CYREN: variants seen among roughly 807,000 people sequenced by gnomAD.
The protein encoded by CYREN is cell cycle regulator of non-homologous end joining.
A neutral mutation model predicts 9.7 loss-of-function variants in CYREN; 7 were observed. The ratio of observed to expected loss-of-function variants is 0.72; its 90% CI spans 0.41 to 1.36. The LOEUF is 1.36. CYREN is among the 40% of genes most tolerant of loss of function. CYREN has a pLI of 0.01. For synonymous variants in CYREN, 76 were observed against 77.9 expected (o/e 0.98, Z 0.13); for missense variants, 215 against 198.1 (o/e 1.09, Z -0.51).
upstream of CYREN, among the ~76,000 whole-genome samples, chr7:135,171,367 G>A (rs1289514962): frequency 5.4e-5 from 8 of 148,996 alleles, no homozygotes; most frequent in South Asian, 2.1e-4. Context: ...GCAGCCCAGC[G>A]CCAGGCCCAA....
At chr7:135,129,485 T>C (rs1161440346) in intron 2 of CYREN, 1 of 773,058 alleles carries the variant, frequency 1.3e-6, no homozygotes, top group Non-Finnish European at 2.4e-6. Flanking sequence ...ACTGACCATG[T>C]TGTGGAACTC....
rs1016518960 is a variant in CYREN, at chr7:135,167,063, T to C, written c.214-192A>G. The C allele has an allele frequency of 7.1e-6, 7 of 985,136 alleles. No individual in the cohort carries two copies. In the African/African-American group the frequency reaches 1.2e-4, roughly 17 times the overall value. 61.0% of individuals were successfully genotyped at this position (985,136 alleles called of 1,614,324 possible). ...TCCCCTGACCCCCTCTTCACAGCTC[T>C]TGAAGAAACCAGAACCCACTCGGGA... is the stretch of plus-strand genomic sequence containing the variant. On this transcript the variant is annotated intron_variant, in intron 3 of 3. Transcript: ENST00000393114.
chr7:135,110,052 G>GCAA (rs1206185801), intron 2 of CYREN, among the ~76,000 whole-genome samples: 10 of 151,980 alleles, frequency 6.6e-5, no homozygotes, highest in African/African-American at 2.4e-4. Context: ...TGCACCAAAG[G>GCAA]CAACAATGGC....
chr7:135,109,905 G>T (rs1318705601), intron 2 of CYREN, among the ~76,000 whole-genome samples: 2 of 152,238 alleles, frequency 1.3e-5, no homozygotes, highest in Non-Finnish European at 2.9e-5. Flanking sequence ...ATACCAGGGA[G>T]GCTCTGAACC....
At chr7:135,155,602 G>A (rs886605916) in intron 2 of CYREN, among the ~76,000 whole-genome samples, 26 of 152,192 alleles carry the variant, frequency 1.7e-4, no homozygotes, top group African/African-American at 6.3e-4. Context: ...GCTAGGCAGG[G>A]GGATTAATTG....
At chr7:135,129,693 T>A in intron 2 of CYREN, 2 of 771,280 alleles carry the variant, frequency 2.6e-6, no homozygotes, top group Non-Finnish European at 4.8e-6. Context: ...TGAAGACTAG[T>A]TAACTACTGC....
chr7:135,100,610 C>T (rs1025063123), intron 2 of CYREN, among the ~76,000 whole-genome samples: 4 of 152,206 alleles, frequency 2.6e-5, no homozygotes, highest in Non-Finnish European at 4.4e-5. Context: ...GATGTAGACT[C>T]TCTTGCCCCA....
chr7:135,106,092 C>G (rs1246625879), intron 2 of CYREN, among the ~76,000 whole-genome samples: 1 of 152,112 alleles, frequency 6.6e-6, no homozygotes, highest in East Asian at 1.9e-4. Context: ...ATTTTGTATC[C>G]TGAAACTTCC....
intron 2 of CYREN, among the ~76,000 whole-genome samples, chr7:135,126,402 C>T (rs4732102): frequency 0.49 from 73,785 of 152,000 alleles, 18,269 homozygotes; most frequent in South Asian, 0.66. Flanking sequence ...TACAAACAAG[C>T]GGAAAAACAT....
chr7:135,143,124 T>G (rs1474765136), intron 2 of CYREN, among the ~76,000 whole-genome samples: 1 of 152,098 alleles, frequency 6.6e-6, no homozygotes, highest in East Asian at 1.9e-4. Flanking sequence ...AGGTGGGATG[T>G]TCACTTGAAG....
intron 2 of CYREN, among the ~76,000 whole-genome samples, chr7:135,112,951 AT>A (rs1825848720): frequency 6.6e-6 from 1 of 152,000 alleles, no homozygotes; most frequent in African/African-American, 2.4e-5. Flanking sequence ...TAATTTTTGT[AT>A]TTTTAGTAGA....
chr7:135,150,780 C>T (rs112455005), intron 2 of CYREN, among the ~76,000 whole-genome samples: 18 of 152,248 alleles, frequency 1.2e-4, no homozygotes, highest in African/African-American at 3.1e-4. Context: ...TTCTTGAACC[C>T]GGGAGGCAGA....
rs143688397 is a variant in CYREN, at chr7:135,111,941, G to A, written n.357-17359C>T. Among the ~76,000 whole-genome samples, 354 of 151,926 alleles carry A rather than the reference G, an allele frequency of 2.3e-3. 1 individual carries two copies. The highest frequency in any genetic ancestry group is 7.6e-3 in the African/African-American group (317 of 41,446). The stretch of plus-strand genomic sequence containing the variant: ...ACTGGATATCGCCATCTGTTTTTCC[G>A]CACAGGCACTTCTATTCAATGTGTC... On this transcript the variant is annotated intron_variant and non_coding_transcript_variant, in intron 2 of 2. Coordinates refer to the CYREN transcript ENST00000459937.
At chr7:135,169,260 A>C (rs753937636) in intron 1 of CYREN, 200 bp from the exon 2 acceptor site, 22 of 182,508 alleles carry the variant, frequency 1.2e-4, no homozygotes, top group Non-Finnish European at 1.8e-4. Flanking sequence ...GGTGCCCCCT[A>C]CAGGCAGCCA....
intron 1 of CYREN, 118 bp downstream of exon 1, chr7:135,170,534 C>T (rs1477481201): frequency 6.6e-6 from 1 of 152,312 alleles, no homozygotes; most frequent in African/African-American, 2.4e-5. Context: ...CGCGCTCCTC[C>T]GGCCGGCTAC....
At chr7:135,135,024 T>A in intron 2 of CYREN, 1 of 1,551,174 alleles carries the variant, frequency 6.4e-7, no homozygotes, top group South Asian at 1.2e-5. Flanking sequence ...ATAAACATTC[T>A]CAAATCTGGG....
At chr7:135,130,975 T>A (rs1562907983) in intron 2 of CYREN, among the ~76,000 whole-genome samples, 1 of 152,208 alleles carries the variant, frequency 6.6e-6, no homozygotes, top group Non-Finnish European at 1.5e-5. Context: ...GAGAACATAT[T>A]GTTTTTTTCC....
In CYREN at chr7:135,124,710, A is replaced by C. The variant is rs551777087; in HGVS notation, n.357-30128T>G. Among the ~76,000 whole-genome samples the C allele has an allele frequency of 1.2e-4, 18 of 152,378 alleles. 1 individual carries two copies. The South Asian group carries it at 2.5e-3, about 21-fold the overall frequency. On this transcript the variant is annotated intron_variant and non_coding_transcript_variant, in intron 2 of 2. Transcript: ENST00000459937. Reference sequence around the variant, plus strand: ...CATAGCAAACAGTCTCTCAGACCACAGTGCAATCAAATTACAACTCAGGAT... The same window carrying C: ...CATAGCAAACAGTCTCTCAGACCACCGTGCAATCAAATTACAACTCAGGAT...
At chr7:135,105,751 A>C (rs951121208) in intron 2 of CYREN, among the ~76,000 whole-genome samples, 1 of 152,130 alleles carries the variant, frequency 6.6e-6, no homozygotes, top group Non-Finnish European at 1.5e-5. Context: ...TGATTTTTAC[A>C]ATAATTTTTT....
Sources: gnomAD v4.1 joint callset for allele counts (sites outside exome capture counted in the v4.1 genomes callset) on GRCh38, gnomAD v4.1.1 for gene constraint, MANE v1.5 for transcripts, NCBI Gene and HGNC (gene_info 2026-07-23, HGNC 2026-07-21) for gene names.